MGAT4C: variants seen among roughly 807,000 people sequenced by gnomAD.
MGAT4C encodes MGAT4 family member C.
A neutral mutation model predicts 40.1 loss-of-function variants in MGAT4C; 19 were observed. That is an observed-to-expected ratio of 0.47 (90% CI 0.33 to 0.70). MGAT4C has a LOEUF of 0.70. Among genes scored for constraint, MGAT4C ranks in the 30% least tolerant of loss-of-function variants. The pLI, the probability that MGAT4C is intolerant of heterozygous loss-of-function variation, is 0.02. For synonymous variants in MGAT4C, 181 were observed against 187.1 expected, an observed-to-expected ratio of 0.97 and a Z score of 0.27; for missense variants, 491 against 563.2, an observed-to-expected ratio of 0.87 and a Z score of 1.30.
At chr12:86,737,103 C>T (rs192730422) in intron 1 of MGAT4C, among the ~76,000 whole-genome samples, 1 of 150,570 alleles carries the variant, frequency 6.6e-6, no homozygotes, top group Non-Finnish European at 1.5e-5. Context: ...TCTCTTCTAT[C>T]AATAAAGTAA....
At chr12:86,554,282 C>A (rs1317665684) in intron 2 of MGAT4C, among the ~76,000 whole-genome samples, 4 of 152,162 alleles carry the variant, frequency 2.6e-5, no homozygotes, top group Non-Finnish European at 4.4e-5. Context: ...CTGCTGCATG[C>A]TCTCTATCCC....
intron 2 of MGAT4C, among the ~76,000 whole-genome samples, chr12:86,695,334 TACA>T (rs960661472): frequency 1.3e-5 from 2 of 152,118 alleles, no homozygotes; most frequent in Non-Finnish European, 2.9e-5. Flanking sequence ...GGTAAATTAT[TACA>T]ACAACTATAG....
At chr12:86,367,304 A>T (rs1955617999) in intron 3 of MGAT4C, among the ~76,000 whole-genome samples, 1 of 152,138 alleles carries the variant, frequency 6.6e-6, no homozygotes, top group African/African-American at 2.4e-5. Flanking sequence ...CCCAGAAAAC[A>T]GTGGGCCTCA....
At chr12:86,456,654 G>C (rs1049686208) in intron 2 of MGAT4C, among the ~76,000 whole-genome samples, 10 of 152,004 alleles carry the variant, frequency 6.6e-5, no homozygotes, top group Admixed American at 3.3e-4. Context: ...TTTGGCTCAG[G>C]ATATGTCGAC....
chr12:86,630,388 C>T (rs529922904), intron 2 of MGAT4C, among the ~76,000 whole-genome samples: 24 of 152,268 alleles, frequency 1.6e-4, no homozygotes, highest in South Asian at 1.0e-3. Context: ...AGGGAATCCT[C>T]CCTAACTCAT....
intron 1 of MGAT4C, among the ~76,000 whole-genome samples, chr12:86,196,707 A>C (rs1949822496): frequency 6.6e-6 from 1 of 152,172 alleles, no homozygotes; most frequent in Admixed American, 6.5e-5. Flanking sequence ...GCTTCTGCTG[A>C]TGTAATTCCA....
chr12:86,008,334 C>A (rs1350508474), intron 2 of MGAT4C, among the ~76,000 whole-genome samples: 3 of 151,834 alleles, frequency 2.0e-5, no homozygotes, highest in African/African-American at 7.2e-5. Flanking sequence ...TTTGTCTGAG[C>A]AATGGTTTTA....
intron 1 of MGAT4C, among the ~76,000 whole-genome samples, chr12:86,140,829 C>A (rs1415187298): frequency 1.3e-5 from 2 of 152,168 alleles, no homozygotes; most frequent in Admixed American, 1.3e-4. Flanking sequence ...ATCTCCTCAA[C>A]ACATACACAG....
At chr12:86,403,552 G>A (rs1956409894) in intron 3 of MGAT4C, among the ~76,000 whole-genome samples, 1 of 151,674 alleles carries the variant, frequency 6.6e-6, no homozygotes, top group African/African-American at 2.4e-5. Flanking sequence ...CCCATCTGAT[G>A]TTTTTTTTCT....
intron 2 of MGAT4C, among the ~76,000 whole-genome samples, chr12:86,465,785 T>A (rs942758478): frequency 6.6e-6 from 1 of 152,170 alleles, no homozygotes; most frequent in Admixed American, 6.5e-5. Flanking sequence ...GTGGTGGGAA[T>A]GCAAAATTGT....
At chr12:86,193,517 T>C (rs1445053251) in intron 1 of MGAT4C, among the ~76,000 whole-genome samples, 2 of 152,124 alleles carry the variant, frequency 1.3e-5, no homozygotes, top group Non-Finnish European at 2.9e-5. Flanking sequence ...TTGCAATTAT[T>C]TTCCTTTGCA....
At chr12:86,441,887 T>C (rs1425407741) in intron 2 of MGAT4C, among the ~76,000 whole-genome samples, 1 of 151,316 alleles carries the variant, frequency 6.6e-6, no homozygotes, top group African/African-American at 2.4e-5. Flanking sequence ...GGGTCAAGGA[T>C]CCTCAAGTTC....
intron 1 of MGAT4C, among the ~76,000 whole-genome samples, chr12:86,054,661 C>T (rs572099440): frequency 2.6e-5 from 4 of 151,712 alleles, no homozygotes; most frequent in South Asian, 2.1e-4. Context: ...TCATGTTTTA[C>T]AAGATAAATA....
chr12:86,471,059 T>C (rs1456870158), intron 2 of MGAT4C, among the ~76,000 whole-genome samples: 1 of 151,930 alleles, frequency 6.6e-6, no homozygotes, highest in East Asian at 1.9e-4. Context: ...AAGAAAATTA[T>C]CAGGTGAAGG....
chr12:86,694,083 G>T (rs1023690804), intron 2 of MGAT4C, among the ~76,000 whole-genome samples: 1 of 152,156 alleles, frequency 6.6e-6, no homozygotes, highest in Admixed American at 6.5e-5. Context: ...CACATGTACT[G>T]TTTAGGAATG....
In MGAT4C at chr12:86,376,844, CAG is replaced by C. The variant is rs71076192; in HGVS notation, c.-119-42719_-119-42718del. Among the ~76,000 whole-genome samples, 981 of 102,856 alleles carry C rather than the reference CAG, an allele frequency of 9.5e-3. 6 individuals carry two copies. Among genetic ancestry groups the C allele is most frequent in the East Asian group, 0.027 (91 of 3,400 alleles). The allele number at this position is 102,856 out of a possible 152,430, so 67.5% of individuals were successfully genotyped here. A position where few individuals can be genotyped will look rare whatever the true frequency, so the allele number is the denominator to read the frequency against. Reference sequence around the variant, plus strand: ...AGAGAGAGAGAGAGAGAGAGAGAGACAGAGAGAGAGAGAGAGAGAGAGAGGAG... The same window carrying C: ...AGAGAGAGAGAGAGAGAGAGAGAGACAGAGAGAGAGAGAGAGAGAGAGGAG... On this transcript the variant is annotated intron_variant, in intron 3 of 7. Transcript: ENST00000548651.
chr12:86,078,355 A>T (rs1870175165), intron 1 of MGAT4C, among the ~76,000 whole-genome samples: 1 of 152,182 alleles, frequency 6.6e-6, no homozygotes, highest in African/African-American at 2.4e-5. Context: ...CCACTGCTGC[A>T]CTTCTTTAGT....
intron 1 of MGAT4C, among the ~76,000 whole-genome samples, chr12:86,230,770 G>A (rs1236603367): frequency 6.6e-6 from 1 of 152,082 alleles, no homozygotes; most frequent in African/African-American, 2.4e-5. Flanking sequence ...GCCACTTGCA[G>A]GGTAAAACAA....
intron 1 of MGAT4C, among the ~76,000 whole-genome samples, chr12:86,822,035 A>G (rs1952714943): frequency 1.3e-5 from 2 of 151,132 alleles, no homozygotes; most frequent in African/African-American, 2.4e-5. Context: ...GGTATAAATT[A>G]TGACAACAAT....
Sources: allele counts gnomAD v4.1 joint callset (sites outside exome capture counted in the v4.1 genomes callset), GRCh38; gene constraint gnomAD v4.1.1; transcripts MANE v1.5; gene names NCBI Gene and HGNC (gene_info 2026-07-23, HGNC 2026-07-21).